LIMCH1: variants seen among roughly 807,000 people sequenced by gnomAD.
LIMCH1 encodes the protein LIM and calponin homology domains-containing protein 1.
In LIMCH1, 113 loss-of-function variants were observed where a neutral mutation model predicts 176.5. The ratio of observed to expected loss-of-function variants is 0.64; its 90% CI spans 0.55 to 0.75. The LOEUF (loss-of-function observed/expected upper bound fraction) is 0.75. LIMCH1 is among the 30% of genes least tolerant of loss of function. The probability of loss-of-function intolerance (pLI) is 0.00; values close to 1 mark genes in which losing one functional copy is unlikely to be tolerated. For synonymous variants in LIMCH1, 619 were observed against 645.9 expected (o/e 0.96, Z 0.63); for missense variants, 1,674 against 1,814.9 (o/e 0.92, Z 1.41).
chr4:41,694,644 A>T (rs1729035409), intron 31 of LIMCH1, among the ~76,000 whole-genome samples: 1 of 152,172 alleles, frequency 6.6e-6, no homozygotes, highest in Non-Finnish European at 1.5e-5. Flanking sequence ...ATTTAAAACT[A>T]ATTCTCTATG....
At chr4:41,621,975 AT>A (rs1170750434) in intron 7 of LIMCH1, among the ~76,000 whole-genome samples, 6 of 151,714 alleles carry the variant, frequency 4.0e-5, no homozygotes, top group African/African-American at 1.5e-4. Flanking sequence ...GTACCTTTGT[AT>A]TAAAAAAAAA....
intron 15 of LIMCH1, 24 bp from the exon 16 acceptor site, chr4:41,646,099 A>C: frequency 6.3e-7 from 1 of 1,592,070 alleles, no homozygotes; most frequent in Non-Finnish European, 8.5e-7. Context: ...GAAGAAGAAT[A>C]TTATATCTTT....
At chr4:41,665,261 A>T (rs543534243) in intron 20 of LIMCH1, among the ~76,000 whole-genome samples, 1 of 152,272 alleles carries the variant, frequency 6.6e-6, no homozygotes, top group East Asian at 1.9e-4. Flanking sequence ...ATTGCTGATG[A>T]CCCTTAACTG....
chr4:41,614,880 C>G lies in LIMCH1; in HGVS notation c.205+1219C>G, dbSNP rs1041409733. On this transcript the variant is annotated intron_variant, in intron 5 of 31. Transcript: ENST00000503057. ...AAGAAGTGTGAATGCAGAATCTATG[C>G]TCTTAAGCTTAATTTACCCACATTT... Among the ~76,000 whole-genome samples the G allele has an allele frequency of 1.2e-4, 18 of 152,192 alleles. 1 individual carries two copies. The highest frequency in any genetic ancestry group is 4.3e-4 in the African/African-American group (18 of 41,450).
intron 2 of LIMCH1, among the ~76,000 whole-genome samples, chr4:41,507,664 AG>A (rs1252356483): frequency 6.6e-6 from 1 of 152,234 alleles, no homozygotes; most frequent in Non-Finnish European, 1.5e-5. Context: ...CATCCTACAC[AG>A]GGACAAAGGC....
chr4:41,655,634 G>C, intron 18 of LIMCH1, among the ~76,000 whole-genome samples: 1 of 152,014 alleles, frequency 6.6e-6, no homozygotes, highest in East Asian at 1.9e-4. Context: ...CTAGAAGACA[G>C]TTGTCCTTGC....
At chr4:41,488,789 G>A (rs187571720) in intron 1 of LIMCH1, among the ~76,000 whole-genome samples, 1 of 152,224 alleles carries the variant, frequency 6.6e-6, no homozygotes, top group African/African-American at 2.4e-5. Flanking sequence ...TTCTGTGTAT[G>A]TGTCTTATAA....
intron 18 of LIMCH1, among the ~76,000 whole-genome samples, chr4:41,652,677 A>G (rs991686765): frequency 1.3e-5 from 2 of 152,196 alleles, no homozygotes; most frequent in African/African-American, 4.8e-5. Flanking sequence ...ATTTTTCATG[A>G]TGATCGTTTT....
chr4:41,538,294 C>G lies in LIMCH1; in HGVS notation c.-297C>G. The G allele has an allele frequency of 1.0e-6, 1 of 985,394 alleles. No homozygotes were observed. The highest frequency in any genetic ancestry group is 1.2e-6 in the Non-Finnish European group (1 of 829,938). 61.0% of individuals were successfully genotyped at this position (985,394 alleles called of 1,614,324 possible). On this transcript the variant is annotated 5_prime_UTR_variant, in exon 1 of 32. Transcript: ENST00000503057. ...AGGAGCACACAGGAGAGATGCCCCT[C>G]CCATCTCCCAGAGTGGGTTGGCTGG...
At chr4:41,521,464 A>G (rs1489109318) in intron 2 of LIMCH1, among the ~76,000 whole-genome samples, 1 of 152,184 alleles carries the variant, frequency 6.6e-6, no homozygotes, top group Non-Finnish European at 1.5e-5. Context: ...TACTGAAAAT[A>G]TTTATATCTT....
intron 23 of LIMCH1, among the ~76,000 whole-genome samples, chr4:41,679,347 T>C (rs79897072): frequency 0.015 from 2,340 of 152,322 alleles, 58 homozygotes; most frequent in African/African-American, 0.054. Context: ...ACCACTTTTA[T>C]TCTTAGTGTG....
intron 19 of LIMCH1, among the ~76,000 whole-genome samples, chr4:41,662,425 A>G (rs926555726): frequency 6.6e-6 from 1 of 152,230 alleles, no homozygotes; most frequent in Non-Finnish European, 1.5e-5. Context: ...AATACAAAAA[A>G]AGGAAGCATC....
Position 41,620,491 on chromosome 4 carries a change from C to G in LIMCH1, c.526C>G (p.Gln176Glu). ...GSAGEDNPAGQMNPGWKPSDG... is the reference protein window; with the variant it reads ...GSAGEDNPAGEMNPGWKPSDG... Reference sequence around the variant, plus strand: ...TGCTGGTGAAGACAACCCAGCTGGCCAAATGAATCCTGGTTGGAAGCCTTC... The same window carrying G: ...TGCTGGTGAAGACAACCCAGCTGGCGAAATGAATCCTGGTTGGAAGCCTTC... The change falls in exon 7 of 32, where the codon CAA (glutamine) becomes GAA (glutamate). Residue 176 changes from glutamine (Q) to glutamate (E), a missense_variant. Physicochemically the swap from Gln to Glu is conservative, Grantham distance 29. This residue lies in a region of LIMCH1 where 655 missense variants were observed against 692.2 expected (regional missense o/e 0.95). Transcript: ENST00000503057. 1 of 1,536,308 alleles carries G rather than the reference C, an allele frequency of 6.5e-7. No homozygotes were observed. Among genetic ancestry groups the G allele is most frequent in the Non-Finnish European group, 8.7e-7 (1 of 1,146,956 alleles).
chr4:41,486,511 G>T (rs1462831386), intron 1 of LIMCH1, among the ~76,000 whole-genome samples: 1 of 152,194 alleles, frequency 6.6e-6, no homozygotes, highest in Non-Finnish European at 1.5e-5. Context: ...TTTATAGTTA[G>T]TATATAGAAT....
At chr4:41,384,671 A>G (rs1047521933) in intron 1 of LIMCH1, among the ~76,000 whole-genome samples, 1 of 152,220 alleles carries the variant, frequency 6.6e-6, no homozygotes, top group African/African-American at 2.4e-5. Context: ...AAGCAAAGCC[A>G]GAAGAAAGGG....
At chr4:41,532,615 G>A (rs932948119) in intron 3 of LIMCH1, among the ~76,000 whole-genome samples, 2 of 152,138 alleles carry the variant, frequency 1.3e-5, no homozygotes, top group African/African-American at 2.4e-5. Flanking sequence ...AGGTTGGACC[G>A]GGTGAAGGGG....
intron 1 of LIMCH1, among the ~76,000 whole-genome samples, chr4:41,429,270 G>A (rs1319786044): frequency 6.6e-6 from 1 of 152,030 alleles, no homozygotes; most frequent in Admixed American, 6.6e-5. Flanking sequence ...ATTCTACAAA[G>A]CAGCATTTTT....
chr4:41,628,102 G>T (rs2093084930), intron 8 of LIMCH1, among the ~76,000 whole-genome samples: 1 of 152,130 alleles, frequency 6.6e-6, no homozygotes, highest in Non-Finnish European at 1.5e-5. Context: ...GGAGGCCCTT[G>T]GTCTTTGCCA....
At chr4:41,651,666 G>T (rs2342913) in intron 18 of LIMCH1, among the ~76,000 whole-genome samples, 7 of 152,028 alleles carry the variant, frequency 4.6e-5, no homozygotes, top group Admixed American at 4.6e-4. Context: ...TCAGAATCTA[G>T]CTTTCCATCC....
Sources: allele counts gnomAD v4.1 joint callset (sites outside exome capture counted in the v4.1 genomes callset), GRCh38; gene constraint gnomAD v4.1.1; regional missense constraint gnomAD v4.1.1; transcripts MANE v1.5; gene names NCBI Gene and HGNC (gene_info 2026-07-23, HGNC 2026-07-21).